Variants in ZNF704 observed in about 807,000 individuals in gnomAD.
The protein encoded by ZNF704 is glucocorticoid induced gene 1.
A neutral mutation model predicts 44.7 loss-of-function variants in ZNF704; 10 were observed. The observed-to-expected ratio is 0.22, with a 90% CI of 0.14 to 0.38. ZNF704 has a LOEUF of 0.38. ZNF704 is among the 10% of genes least tolerant of loss of function. The pLI is 1.00. For synonymous variants in ZNF704, 211 were observed against 207.6 expected, an observed-to-expected ratio of 1.02 and a Z score of -0.14; for missense variants, 390 against 545.5, an observed-to-expected ratio of 0.71 and a Z score of 2.84.
At chr8:80,692,263 T>C (rs1238163907) in intron 3 of ZNF704, among the ~76,000 whole-genome samples, 1 of 152,206 alleles carries the variant, frequency 6.6e-6, no homozygotes, top group African/African-American at 2.4e-5. Flanking sequence ...ATCAAAAAGA[T>C]ATGGAGAATT....
intron 1 of ZNF704, among the ~76,000 whole-genome samples, chr8:80,825,876 A>G (rs1015208939): frequency 6.6e-6 from 1 of 152,198 alleles, no homozygotes. Flanking sequence ...CTTTGAAACC[A>G]ATGAGAACAA....
chr8:80,873,353 A>G (rs1809289950), intron 1 of ZNF704, among the ~76,000 whole-genome samples: 1 of 152,012 alleles, frequency 6.6e-6, no homozygotes, highest in Non-Finnish European at 1.5e-5. Context: ...CAGGGGCCCA[A>G]GGCGCAGGCA....
intron 2 of ZNF704, among the ~76,000 whole-genome samples, chr8:80,718,552 GTT>G (rs1471483887): frequency 6.6e-6 from 1 of 152,124 alleles, no homozygotes; most frequent in East Asian, 1.9e-4. Flanking sequence ...ACATGTTTCT[GTT>G]TGCCCCTCTT....
chr8:80,707,500 T>C (rs1818915733), intron 2 of ZNF704, among the ~76,000 whole-genome samples: 1 of 152,210 alleles, frequency 6.6e-6, no homozygotes. Context: ...AATAATTAAA[T>C]TTCAATTCAA....
At chr8:80,881,914 C>G in the ZNF704 span, among the ~76,000 whole-genome samples, 2 of 151,752 alleles carry the variant, frequency 1.3e-5, no homozygotes, top group African/African-American at 2.4e-5. Flanking sequence ...GGCAACAGAC[C>G]GAGACTCTGT....
At chr8:80,812,380 A>C (rs753436951) in intron 2 of ZNF704, 4 of 169,310 alleles carry the variant, frequency 2.4e-5, no homozygotes, top group Non-Finnish European at 3.8e-5. Context: ...TCATCAATGG[A>C]TAGGCCAGCA....
At chr8:80,677,981 C>T (rs1818396282) in intron 4 of ZNF704, among the ~76,000 whole-genome samples, 1 of 152,170 alleles carries the variant, frequency 6.6e-6, no homozygotes, top group African/African-American at 2.4e-5. Context: ...CATGGTGATG[C>T]CCTGCATTGT....
At chr8:80,765,119 C>A (rs988578214) in intron 2 of ZNF704, among the ~76,000 whole-genome samples, 2 of 152,146 alleles carry the variant, frequency 1.3e-5, no homozygotes, top group Non-Finnish European at 2.9e-5. Flanking sequence ...AGTTTTAAGT[C>A]AAAATCCTCA....
At chr8:80,676,000 G>A (rs747071435) in intron 4 of ZNF704, among the ~76,000 whole-genome samples, 6 of 152,080 alleles carry the variant, frequency 3.9e-5, no homozygotes, top group Non-Finnish European at 8.8e-5. Flanking sequence ...AGAGAGAAGT[G>A]GTCAGCAGAT....
chr8:80,797,000 G>GAAGGAAGC (rs371845079), intron 2 of ZNF704, among the ~76,000 whole-genome samples: 4,446 of 147,980 alleles, frequency 0.03, 225 homozygotes, highest in African/African-American at 0.11. Context: ...AGGAAGGAAG[G>GAAGGAAGC]AAGCAAGCAA....
intron 2 of ZNF704, among the ~76,000 whole-genome samples, chr8:80,741,165 T>C (rs1035351970): frequency 1.3e-5 from 2 of 152,168 alleles, no homozygotes; most frequent in African/African-American, 4.8e-5. Flanking sequence ...TTCCCAGGTA[T>C]GGCAAAATAG....
intron 2 of ZNF704, among the ~76,000 whole-genome samples, chr8:80,734,876 G>C: frequency 6.6e-6 from 1 of 152,254 alleles, no homozygotes; most frequent in Non-Finnish European, 1.5e-5. Flanking sequence ...CTTAAAAGGA[G>C]AGTATGCTTC....
chr8:80,848,012 C>T (rs1255306277), intron 1 of ZNF704, among the ~76,000 whole-genome samples: 1 of 152,076 alleles, frequency 6.6e-6, no homozygotes, highest in African/African-American at 2.4e-5. Flanking sequence ...CATAATATCC[C>T]CAACCCACAT....
chr8:80,820,350 A>G (rs76199416), intron 2 of ZNF704, among the ~76,000 whole-genome samples: 5,158 of 152,268 alleles, frequency 0.034, 286 homozygotes, highest in African/African-American at 0.12. Context: ...CCTTTGGTTC[A>G]GTGCTATTGG....
chr8:80,784,640 T>C (rs1178998420), intron 2 of ZNF704, among the ~76,000 whole-genome samples: 1 of 152,202 alleles, frequency 6.6e-6, no homozygotes, highest in African/African-American at 2.4e-5. Context: ...AAGAGTTCTT[T>C]GTATATTTTG....
Position 80,861,499 on chromosome 8 carries a change from T to TA in ZNF704, c.-22+13071dup, listed in dbSNP as rs545724811. On this transcript the variant is annotated intron_variant, in intron 1 of 8. Coordinates refer to ENST00000327835, the MANE Select transcript of ZNF704 (RefSeq NM_001033723.3). Reference sequence around the variant, plus strand: ...AGGGGTGACACAAGTGTTCCAAAATTAGATTGTGATGATGGCTGCACAACT... The same window carrying TA: ...AGGGGTGACACAAGTGTTCCAAAATTAAGATTGTGATGATGGCTGCACAACT... 3.5e-3 allele frequency among the ~76,000 whole-genome samples: 538 copies of TA among 152,290 alleles called. 1 individual carries two copies. Among genetic ancestry groups the TA allele is most frequent in the Admixed American group, 7.4e-3 (113 of 15,294 alleles).
intron 2 of ZNF704, among the ~76,000 whole-genome samples, chr8:80,726,833 G>GCACA (rs60158512): frequency 0.023 from 3,444 of 147,640 alleles, 122 homozygotes; most frequent in African/African-American, 0.076. Context: ...ACACACACAT[G>GCACA]CACACACACA....
At chr8:80,685,269 T>C (rs1258572710) in intron 4 of ZNF704, among the ~76,000 whole-genome samples, 9 of 152,102 alleles carry the variant, frequency 5.9e-5, no homozygotes. Flanking sequence ...GCAGTCTAAT[T>C]GTGATGGAAG....
At chr8:80,751,801 G>A (rs910654551) in intron 2 of ZNF704, among the ~76,000 whole-genome samples, 1 of 152,204 alleles carries the variant, frequency 6.6e-6, no homozygotes, top group Middle Eastern at 3.2e-3. Flanking sequence ...AAGCTGGAGT[G>A]CAGTGGCACG....
Sources: gnomAD v4.1 joint callset for allele counts (sites outside exome capture counted in the v4.1 genomes callset) on GRCh38, gnomAD v4.1.1 for gene constraint, MANE v1.5 for transcripts, NCBI Gene and HGNC (gene_info 2026-07-23, HGNC 2026-07-21) for gene names.